AXIN2: variants seen among roughly 807,000 people sequenced by gnomAD.
AXIN2 encodes axin 2, also known as axin-2.
Under a neutral mutation model 74.7 loss-of-function variants are expected in AXIN2, and 21 were observed. The ratio of observed to expected loss-of-function variants is 0.28; its 90% CI spans 0.20 to 0.40. The LOEUF (loss-of-function observed/expected upper bound fraction) is 0.40, where lower values mean the gene tolerates loss of function less well. AXIN2 is among the 10% of genes least tolerant of loss of function. The probability of loss-of-function intolerance (pLI) is 1.00; values close to 1 mark genes in which losing one functional copy is unlikely to be tolerated. For synonymous variants in AXIN2, 532 were observed against 454.9 expected, an observed-to-expected ratio of 1.17 and a Z score of -2.16; for missense variants, 1,144 against 1,111.1, an observed-to-expected ratio of 1.03 and a Z score of -0.42.
chr17:65,555,257 G>A (rs953353078), intron 2 of AXIN2, among the ~76,000 whole-genome samples: 3 of 152,090 alleles, frequency 2.0e-5, no homozygotes, highest in African/African-American at 4.8e-5. Context: ...CAGCACTGAC[G>A]TTTCTGTTCC....
chr17:65,546,074 T>G (rs1242257811), intron 3 of AXIN2, among the ~76,000 whole-genome samples: 1 of 36,472 alleles, frequency 2.7e-5, no homozygotes. Flanking sequence ...CCCTGTTCCC[T>G]CCCCAGCTCC....
rs1235854145 is a variant in AXIN2 at position 65,537,500 on chromosome 17, C to A, written c.1536G>T (p.Lys512Asn). The change falls in exon 6 of 11, where the codon AAG becomes AAT. Residue 512 changes from lysine to asparagine, a missense_variant. Lys to Asn is a moderately conservative substitution (Grantham distance 94, BLOSUM62 0). Coordinates refer to ENST00000307078, the MANE Select transcript of AXIN2 (RefSeq NM_004655.4). ...GGTGGATGTAGTGGTGGTGGACATG[C>A]TTCGTCGTCTGCTTGGTCACAAAGC... is the stretch of plus-strand genomic sequence containing the variant. ...GKGFVTKQTTKHVHHHYIHHH... is the reference protein window; with the variant it reads ...GKGFVTKQTTNHVHHHYIHHH... The A allele has an allele frequency of 5.0e-6, 8 of 1,613,692 alleles. No homozygotes were observed. The highest frequency in any genetic ancestry group is 6.8e-6 in the Non-Finnish European group (8 of 1,179,992).
At chr17:65,556,296 T>C (rs2044265910) in intron 2 of AXIN2, among the ~76,000 whole-genome samples, 1 of 152,102 alleles carries the variant, frequency 6.6e-6, no homozygotes, top group Admixed American at 6.5e-5. Context: ...TCTTAAGTAG[T>C]CTCAGCTCTG....
In AXIN2 at chr17:65,536,343, C is replaced by T. The variant is rs1598096602; in HGVS notation, c.2118G>A (p.Glu706=). ...QLEEACRRLA[E]VSKPPKQRCC... is the part of the protein sequence containing the mutation. ...ACCGCTGCTTTGGGGGCTTCGACACCTCAGCTAGCCTGCGACAGGCCTCCT... is the reference window on the plus strand; with the variant it reads ...ACCGCTGCTTTGGGGGCTTCGACACTTCAGCTAGCCTGCGACAGGCCTCCT... The change falls in exon 8 of 11, where the codon GAG becomes GAA. Residue 706 remains glutamate, a synonymous_variant. Transcript: ENST00000307078. 9.9e-6 allele frequency: 16 copies of T among 1,612,768 alleles called. No homozygotes were observed. Among genetic ancestry groups the T allele is most frequent in the Non-Finnish European group, 1.4e-5 (16 of 1,179,774 alleles).
rs775428814 is a variant in AXIN2, at chr17:65,538,667, CAAAAAAAAAA to C, written c.1060-334_1060-325del. 3.9e-4 allele frequency among the ~76,000 whole-genome samples: 14 copies of C among 35,828 alleles called. 1 individual carries two copies. Among genetic ancestry groups the C allele is most frequent in the South Asian group, 1.2e-3 (1 of 812 alleles). 23.5% of individuals were successfully genotyped at this position (35,828 alleles called of 152,430 possible). On this transcript the variant is annotated intron_variant, in intron 4 of 10. Coordinates refer to ENST00000307078, the MANE Select transcript of AXIN2 (RefSeq NM_004655.4). ...ATCTTCAAAGACTGTTGTCAACCAT[CAAAAAAAAAA>C]AAAAAAAAAAAAAAAAAAAAAAAAA...
chr17:65,561,585 T>G lies in AXIN2; in HGVS notation c.-252A>C, dbSNP rs1195414365. 1.3e-5 allele frequency: 2 copies of G among 151,004 alleles called. No homozygotes were observed. Among genetic ancestry groups the G allele is most frequent in the African/African-American group, 4.9e-5 (2 of 40,964 alleles). The allele number at this position is 151,004 out of a possible 1,614,324, so 9.4% of individuals were successfully genotyped here. A position where few individuals can be genotyped will look rare whatever the true frequency, so the allele number is the denominator to read the frequency against. On this transcript the variant is annotated 5_prime_UTR_variant, in exon 1 of 11. Coordinates refer to ENST00000307078, the MANE Select transcript of AXIN2 (RefSeq NM_004655.4). Reference sequence around the variant, plus strand: ...AGGACCTTATCAAAGCGCAGCCGGCTCCAGCCGACTCCCCCGGGCCAGGCT... The same window carrying G: ...AGGACCTTATCAAAGCGCAGCCGGCGCCAGCCGACTCCCCCGGGCCAGGCT...
rs2043780058 is a variant in AXIN2 at position 65,529,414 on chromosome 17, TA to T, written c.*561del. ...AGGGCACCATTTTAAAAAGTCTGTC[TA>T]AAACAGTCTGTCTTCACTTGGAGGG... On this transcript the variant is annotated 3_prime_UTR_variant, in exon 11 of 11. Transcript: ENST00000307078. 4.0e-6 allele frequency: 1 copy of T among 251,382 alleles called. No individual in the cohort carries two copies. The highest frequency in any genetic ancestry group is 5.7e-5 in the East Asian group (1 of 17,632). 15.6% of individuals were successfully genotyped at this position (251,382 alleles called of 1,614,324 possible).
At chr17:65,556,573 C>T (rs1172583123) in intron 2 of AXIN2, among the ~76,000 whole-genome samples, 1 of 152,140 alleles carries the variant, frequency 6.6e-6, no homozygotes, top group Non-Finnish European at 1.5e-5. Flanking sequence ...CACAAGCGCG[C>T]CCCCTGGTGG....
chr17:65,536,303 C>T lies in AXIN2; in HGVS notation c.2141+17G>A, dbSNP rs777031263. 1 of 1,596,118 alleles carries T rather than the reference C, an allele frequency of 6.3e-7. No individual in the cohort carries two copies. The highest frequency in any genetic ancestry group is 8.5e-7 in the Non-Finnish European group (1 of 1,172,326). Reference sequence around the variant, plus strand: ...CCCAATCCCTGCCTCAACCTAGGACCCTTCACTTCCACTCACCGCTGCTTT... The same window carrying T: ...CCCAATCCCTGCCTCAACCTAGGACTCTTCACTTCCACTCACCGCTGCTTT... On this transcript the variant is annotated intron_variant, in intron 8 of 10. Transcript: ENST00000307078.
At chr17:65,558,964 G>A (rs377231866) in intron 1 of AXIN2, among the ~76,000 whole-genome samples, 9 of 152,108 alleles carry the variant, frequency 5.9e-5, no homozygotes, top group Non-Finnish European at 1.3e-4. Flanking sequence ...GGGGTGGGAG[G>A]GAGCTGTTGG....
intron 6 of AXIN2, 32 bp from the exon 7 acceptor site, chr17:65,537,095 G>A (rs748688155): frequency 1.1e-5 from 18 of 1,590,688 alleles, no homozygotes; most frequent in African/African-American, 9.4e-5. Context: ...ACCCAACCCA[G>A]AGACCCGGTT....
intron 10 of AXIN2, among the ~76,000 whole-genome samples, chr17:65,531,742 C>T (rs2043822361): frequency 6.6e-6 from 1 of 152,080 alleles, no homozygotes; most frequent in Non-Finnish European, 1.5e-5. Context: ...AAGAAACAGG[C>T]TTTTCCACTG....
At chr17:65,531,191 C>CT (rs1239568731) in intron 10 of AXIN2, among the ~76,000 whole-genome samples, 2 of 31,330 alleles carry the variant, frequency 6.4e-5, no homozygotes, top group African/African-American at 1.5e-4. Flanking sequence ...TGTCTTTTCC[C>CT]TTTAAAAAAA....
Position 65,537,842 on chromosome 17 carries a change from G to A in AXIN2, c.1201-7C>T, listed in dbSNP as rs760667639. On this transcript the variant is annotated splice_region_variant and splice_polypyrimidine_tract_variant and intron_variant, in intron 5 of 10. Transcript: ENST00000307078. ...AGCCCTCTCTCTCTTCATCCTGAAA[G>A]GGAAGACGTCAGAAGGAGAAGTGAC... 1.7e-5 allele frequency: 26 copies of A among 1,543,494 alleles called. No homozygotes were observed. Among genetic ancestry groups the A allele is most frequent in the East Asian group, 4.6e-5 (2 of 43,332 alleles).
intron 4 of AXIN2, 120 bp from the exon 5 acceptor site, chr17:65,538,463 G>C: frequency 7.4e-7 from 1 of 1,353,228 alleles, no homozygotes; most frequent in Non-Finnish European, 1.0e-6. Flanking sequence ...GGTGTAGAGT[G>C]GATGGCAAGG....
At chr17:65,532,404 G>C (rs1187959154) in intron 10 of AXIN2, among the ~76,000 whole-genome samples, 1 of 152,172 alleles carries the variant, frequency 6.6e-6, no homozygotes, top group Admixed American at 6.5e-5. Flanking sequence ...GTTTCACCTT[G>C]TGTCTTTTCA....
intron 1 of AXIN2, chr17:65,560,337 G>A (rs918257570): frequency 2.0e-5 from 3 of 152,136 alleles, no homozygotes; most frequent in Non-Finnish European, 2.9e-5. Context: ...CCAGCGCTGT[G>A]GGCCCCTTAG....
At position 65,534,167 on chromosome 17, in the gene AXIN2, G is replaced by A. The variant is rs1357831691; in HGVS notation, c.2238-88C>T. On this transcript the variant is annotated intron_variant, in intron 9 of 10. Coordinates refer to ENST00000307078, the MANE Select transcript of AXIN2 (RefSeq NM_004655.4). ...CACACACGTGCGCACATGTGCATAA[G>A]TGACAGGGTATCCAAACACTAGGGC... 7 of 1,491,852 alleles carry A rather than the reference G, an allele frequency of 4.7e-6. No homozygotes were observed. In the African/African-American group the frequency reaches 5.5e-5, roughly 12 times the overall value. The allele number at this position is 1,491,852 out of a possible 1,614,324, so 92.4% of individuals were successfully genotyped here.
chr17:65,561,016 G>A (rs1214321495), intron 1 of AXIN2: 1 of 148,614 alleles, frequency 6.7e-6, no homozygotes, highest in Non-Finnish European at 1.5e-5. Context: ...CAGAGCGAAA[G>A]CCACCGGCCG....
Sources: allele counts gnomAD v4.1 joint callset (sites outside exome capture counted in the v4.1 genomes callset), GRCh38; gene constraint gnomAD v4.1.1; transcripts MANE v1.5; gene names NCBI Gene and HGNC (gene_info 2026-07-23, HGNC 2026-07-21).